Variants in ST6GALNAC5 observed in about 807,000 individuals in gnomAD.
ST6GALNAC5 encodes alpha-N-acetylgalactosaminide alpha-2,6-sialyltransferase 5.
In ST6GALNAC5, 27 loss-of-function variants were observed where a neutral mutation model predicts 33.6. That is an observed-to-expected ratio of 0.80 (90% CI 0.59 to 1.11). ST6GALNAC5 has a LOEUF of 1.11. ST6GALNAC5 is among the 50% of genes least tolerant of loss of function. The pLI is 0.00. For missense variants in ST6GALNAC5, 428 were observed against 454.0 expected (o/e 0.94, Z 0.52); for synonymous variants, 194 against 171.2 (o/e 1.13, Z -1.04).
At chr1:76,869,461 C>A (rs2100907337) in intron 2 of ST6GALNAC5, among the ~76,000 whole-genome samples, 1 of 152,268 alleles carries the variant, frequency 6.6e-6, no homozygotes, top group South Asian at 2.1e-4. Flanking sequence ...CTGGGAGAAT[C>A]CTAATCAAGT....
chr1:76,990,061 T>C (rs1326413399), intron 2 of ST6GALNAC5, among the ~76,000 whole-genome samples: 4 of 152,180 alleles, frequency 2.6e-5, no homozygotes, highest in Non-Finnish European at 5.9e-5. Context: ...ATTTAAACTC[T>C]CTCCTGAAGT....
chr1:76,952,818 A>G (rs958499811), intron 2 of ST6GALNAC5, among the ~76,000 whole-genome samples: 2 of 152,086 alleles, frequency 1.3e-5, no homozygotes, highest in Non-Finnish European at 2.9e-5. Flanking sequence ...CCATCACCAT[A>G]AAGGAACACC....
At chr1:77,041,308 C>T (rs1570127602) in intron 2 of ST6GALNAC5, among the ~76,000 whole-genome samples, 3 of 152,308 alleles carry the variant, frequency 2.0e-5, no homozygotes, top group Admixed American at 1.3e-4. Flanking sequence ...GCACTTACAG[C>T]ACAGTTCTGT....
intron 2 of ST6GALNAC5, among the ~76,000 whole-genome samples, chr1:76,891,795 T>G (rs1654018696): frequency 6.6e-6 from 1 of 152,238 alleles, no homozygotes; most frequent in African/African-American, 2.4e-5. Flanking sequence ...CTCTGGCATG[T>G]AGATATCCAG....
At chr1:77,038,194 G>T (rs1199909129) in intron 2 of ST6GALNAC5, among the ~76,000 whole-genome samples, 1 of 152,204 alleles carries the variant, frequency 6.6e-6, no homozygotes, top group Non-Finnish European at 1.5e-5. Flanking sequence ...GGCATTCACT[G>T]GGTGGAGACA....
chr1:77,062,915 ATCAG>A (rs1168064343), intron 4 of ST6GALNAC5, 56 bp from the exon 5 acceptor site: 3 of 1,245,586 alleles, frequency 2.4e-6, no homozygotes, highest in African/African-American at 1.5e-5. Flanking sequence ...TCTTACCTCA[ATCAG>A]TCAAAGGAAA....
intron 2 of ST6GALNAC5, among the ~76,000 whole-genome samples, chr1:76,874,826 A>C (rs1370279190): frequency 7.2e-5 from 11 of 152,152 alleles, no homozygotes; most frequent in Admixed American, 4.6e-4. Flanking sequence ...AACCATCGCA[A>C]GTCCACCCCT....
rs191357695 is a variant in ST6GALNAC5 at position 77,045,090 on chromosome 1, T to G, written c.671+477T>G. ...CACAAGTATATAAAGCCTTGGACAC[T>G]TACCAAGTAGTAGCCAGTGCACTGA... is the stretch of plus-strand genomic sequence containing the variant. On this transcript the variant is annotated intron_variant, in intron 3 of 4. Transcript: ENST00000477717. Among the ~76,000 whole-genome samples the G allele has an allele frequency of 3.5e-3, 536 of 152,286 alleles. 3 individuals are homozygous for G. The highest frequency in any genetic ancestry group is 0.012 in the African/African-American group (496 of 41,542).
At chr1:77,015,700 G>A (rs771216031) in intron 2 of ST6GALNAC5, among the ~76,000 whole-genome samples, 2 of 152,074 alleles carry the variant, frequency 1.3e-5, no homozygotes, top group East Asian at 1.9e-4. Context: ...TGGGGTGGCA[G>A]AGGGTCCAGC....
chr1:76,992,945 C>G (rs1649794578), intron 2 of ST6GALNAC5, among the ~76,000 whole-genome samples: 1 of 152,166 alleles, frequency 6.6e-6, no homozygotes, highest in Non-Finnish European at 1.5e-5. Context: ...GAGCTACCTT[C>G]CAGTTTGCTA....
intron 2 of ST6GALNAC5, among the ~76,000 whole-genome samples, chr1:76,914,886 C>T (rs1646953235): frequency 6.6e-6 from 1 of 152,114 alleles, no homozygotes; most frequent in African/African-American, 2.4e-5. Flanking sequence ...AAAGAAACTA[C>T]CATCAGAGTG....
intron 2 of ST6GALNAC5, among the ~76,000 whole-genome samples, chr1:76,986,077 CT>C (rs1478806156): frequency 6.6e-6 from 1 of 152,156 alleles, no homozygotes; most frequent in Non-Finnish European, 1.5e-5. Context: ...TAGGCGATAC[CT>C]TTCAGGACAT....
At chr1:76,914,786 G>A (rs1224188573) in intron 2 of ST6GALNAC5, among the ~76,000 whole-genome samples, 4 of 152,248 alleles carry the variant, frequency 2.6e-5, no homozygotes, top group African/African-American at 9.6e-5. Context: ...CATGGGCAAG[G>A]ACTTCATGAC....
chr1:76,913,988 A>T (rs550647025), intron 2 of ST6GALNAC5, among the ~76,000 whole-genome samples: 29 of 152,346 alleles, frequency 1.9e-4, no homozygotes, highest in African/African-American at 6.5e-4. Context: ...AAGCAACTTC[A>T]GCAAAGTCTC....
chr1:76,892,097 T>C (rs1481330711), intron 2 of ST6GALNAC5, among the ~76,000 whole-genome samples: 1 of 152,228 alleles, frequency 6.6e-6, no homozygotes, highest in Non-Finnish European at 1.5e-5. Flanking sequence ...CTTTGTTCAC[T>C]ATTGAGTTAG....
intron 2 of ST6GALNAC5, among the ~76,000 whole-genome samples, chr1:76,960,595 G>A (rs1318350725): frequency 6.6e-6 from 1 of 152,124 alleles, no homozygotes. Context: ...ATGGGAGACT[G>A]GGGCTTATTT....
intron 2 of ST6GALNAC5, among the ~76,000 whole-genome samples, chr1:76,902,656 G>T (rs1284247088): frequency 6.6e-6 from 1 of 152,068 alleles, no homozygotes; most frequent in Non-Finnish European, 1.5e-5. Context: ...ATAAAGTGAC[G>T]ATAATCAAAC....
At chr1:76,931,288 C>G (rs1216533263) in intron 2 of ST6GALNAC5, among the ~76,000 whole-genome samples, 2 of 152,118 alleles carry the variant, frequency 1.3e-5, no homozygotes, top group East Asian at 3.9e-4. Context: ...CTGCCAACAC[C>G]TTCATTTCAG....
intron 2 of ST6GALNAC5, among the ~76,000 whole-genome samples, chr1:76,950,363 T>C (rs574440098): frequency 2.1e-4 from 32 of 152,290 alleles, no homozygotes; most frequent in African/African-American, 7.7e-4. Flanking sequence ...ATGTGTATTA[T>C]ATGTAATATA....
Sources: allele counts gnomAD v4.1 joint callset (sites outside exome capture counted in the v4.1 genomes callset), GRCh38; gene constraint gnomAD v4.1.1; transcripts MANE v1.5; gene names NCBI Gene and HGNC (gene_info 2026-07-23, HGNC 2026-07-21).